BCL9L: variants seen among roughly 807,000 people sequenced by gnomAD.
BCL9L encodes BCL9 like, also known as B-cell CLL/lymphoma 9-like protein.
In BCL9L, 19 loss-of-function variants were observed where a neutral mutation model predicts 99.4. The observed-to-expected ratio is 0.19, with a 90% confidence interval of 0.13 to 0.28. The LOEUF is 0.28. Ranked by LOEUF, BCL9L falls within the 10% of genes least tolerant of loss-of-function variation. BCL9L has a pLI of 1.00. For synonymous variants in BCL9L, 900 were observed against 854.8 expected, an observed-to-expected ratio of 1.05 and a Z score of -0.92; for missense variants, 2,023 against 2,101.6, an observed-to-expected ratio of 0.96 and a Z score of 0.73.
intron 1 of BCL9L, among the ~76,000 whole-genome samples, chr11:118,923,651 A>G (rs924910610): frequency 5.9e-5 from 9 of 152,058 alleles, no homozygotes; most frequent in African/African-American, 2.2e-4. Flanking sequence ...TGGATCCAAG[A>G]TTTTAGGTAT....
rs777767215 is a variant in BCL9L, at chr11:118,899,031, G to T, written c.3884C>A (p.Pro1295Gln). The change falls in exon 10 of 10, where the codon CCG becomes CAG. Residue 1295 changes from proline to glutamine, a missense_variant. Coordinates refer to ENST00000683865, the MANE Select transcript of BCL9L (RefSeq NM_001378213.1). ...MAGRMGDAYP[P>Q]GVLPGVASVL... ...TGATGCCACCCCAGGGAGCACACCC[G>T]GTGGGTATGCGTCGCCCATGCGCCC... is the stretch of plus-strand genomic sequence containing the variant. The T allele has an allele frequency of 6.2e-7, 1 of 1,613,538 alleles. No homozygotes were observed. The highest frequency in any genetic ancestry group is 1.7e-4 in the Middle Eastern group (1 of 6,058).
Position 118,899,437 on chromosome 11 carries a change from G to A in BCL9L, c.3478C>T (p.Leu1160=). ...TGGGACAGGGGCTGCTGGCCTGGCAGGTTCATGCCCATAGGGCTCTGGGCA... is the reference window on the plus strand; with the variant it reads ...TGGGACAGGGGCTGCTGGCCTGGCAAGTTCATGCCCATAGGGCTCTGGGCA... ...AAAQSPMGMN[L]PGQQPLSHEP... The change falls in exon 10 of 10, where the codon CTG becomes TTG. Residue 1160 remains leucine (L), a synonymous_variant. Coordinates refer to ENST00000683865, the MANE Select transcript of BCL9L (RefSeq NM_001378213.1). The A allele has an allele frequency of 6.2e-7, 1 of 1,602,078 alleles. No individual in the cohort carries two copies. Among genetic ancestry groups the A allele is most frequent in the Non-Finnish European group, 8.5e-7 (1 of 1,176,420 alleles).
At chr11:118,919,176 G>A (rs1162111443) in intron 1 of BCL9L, among the ~76,000 whole-genome samples, 1 of 147,016 alleles carries the variant, frequency 6.8e-6, no homozygotes, top group East Asian at 2.0e-4. Flanking sequence ...CAGGAGAGGA[G>A]GAGGCACTGG....
rs747273194 is a variant in BCL9L at position 118,899,388 on chromosome 11, G to A, written c.3527C>T (p.Pro1176Leu). 6 of 1,585,994 alleles carry A rather than the reference G, an allele frequency of 3.8e-6. No homozygotes were observed. Among genetic ancestry groups the A allele is most frequent in the East Asian group, 4.5e-5 (2 of 44,052 alleles). ...LSHEPPPAML[P>L]SPTPLGSNIP... The stretch of plus-strand genomic sequence containing the variant: ...GTTGGAGCCCAGAGGGGTGGGGGAG[G>A]GCAGCATGGCGGGCGGGGGCTCATG... The change falls in exon 10 of 10, where the codon CCC (proline) becomes CTC (leucine). Residue 1176 changes from proline (P) to leucine (L), a missense_variant. This residue lies in a region of BCL9L where 902 missense variants were observed against 888.2 expected (regional missense o/e 1.02). Transcript: ENST00000683865.
At chr11:118,899,852 C>G (rs1940128723) in intron 9 of BCL9L, 65 bp downstream of exon 9, 2 of 1,537,198 alleles carry the variant, frequency 1.3e-6, no homozygotes, top group Non-Finnish European at 1.8e-6. Flanking sequence ...ACAACCACAG[C>G]TGTGCTCCCC....
chr11:118,921,569 A>G lies in BCL9L; in HGVS notation c.-130-2690T>C, dbSNP rs77398170. Among the ~76,000 whole-genome samples the G allele has an allele frequency of 0.045, 6,854 of 152,158 alleles. 183 individuals carry two copies. Among genetic ancestry groups the G allele is most frequent in the South Asian group, 0.11 (548 of 4,818 alleles). ...CCAGTCCATTGGAGGAGGAACGGGA[A>G]CGGACAGAGGGAGTCCCAGCTCTGG... On this transcript the variant is annotated intron_variant, in intron 1 of 9. Coordinates refer to ENST00000683865, the MANE Select transcript of BCL9L (RefSeq NM_001378213.1). The surrounding 1 kb of genome is among the most constrained non-coding windows in gnomAD (Gnocchi z 5.4).
intron 2 of BCL9L, among the ~76,000 whole-genome samples, chr11:118,918,577 C>T (rs908353550): frequency 1.8e-4 from 28 of 152,114 alleles, no homozygotes; most frequent in African/African-American, 6.0e-4. Context: ...CTAACCCCTC[C>T]CAGCCCGGCC....
At position 118,897,640 on chromosome 11, in the gene BCL9L, C is replaced by T. The variant is rs1302616891; in HGVS notation, c.*775G>A. On this transcript the variant is annotated 3_prime_UTR_variant, in exon 10 of 10. Coordinates refer to ENST00000683865, the MANE Select transcript of BCL9L (RefSeq NM_001378213.1). ...TTGGGGACGAGACAGGAATGGTATC[C>T]CTTAGGGACCCAGAGACACTGCAAA... 1 of 379,536 alleles carries T rather than the reference C, an allele frequency of 2.6e-6. No individual in the cohort carries two copies. The highest frequency in any genetic ancestry group is 5.2e-6 in the Non-Finnish European group (1 of 193,658). The allele number at this position is 379,536 out of a possible 1,614,324, so 23.5% of individuals were successfully genotyped here.
rs925817291 is a variant in BCL9L, at chr11:118,900,350, A to C, written c.3125-152T>G. ...CAGGCCCCCACTATCTCCAGAGCCC[A>C]CCAGTCTTCAAGCAATTCCTGCAGC... On this transcript the variant is annotated intron_variant, in intron 8 of 9. Coordinates refer to ENST00000683865, the MANE Select transcript of BCL9L (RefSeq NM_001378213.1). This position sits in a 1 kb window ranked among gnomAD's most constrained non-coding sequence, Gnocchi z 5.3. The C allele has an allele frequency of 6.1e-6, 7 of 1,150,848 alleles. No homozygotes were observed. Among genetic ancestry groups the C allele is most frequent in the African/African-American group, 1.6e-5 (1 of 63,894 alleles). 71.3% of individuals were successfully genotyped at this position (1,150,848 alleles called of 1,614,324 possible). A position where few individuals can be genotyped will look rare whatever the true frequency, so the allele number is the denominator to read the frequency against.
chr11:118,916,758 G>A (rs1435975534), intron 2 of BCL9L, among the ~76,000 whole-genome samples: 2 of 152,216 alleles, frequency 1.3e-5, no homozygotes, highest in East Asian at 1.9e-4. Context: ...GCCCAGGCAC[G>A]GCACAGGGAA....
At chr11:118,905,481 C>G (rs556386732) in intron 5 of BCL9L, among the ~76,000 whole-genome samples, 19 of 147,912 alleles carry the variant, frequency 1.3e-4, no homozygotes, top group Non-Finnish European at 1.6e-4. Flanking sequence ...TGCACTCCAG[C>G]CTGGGCAACA....
Position 118,898,294 on chromosome 11 carries a change from G to GGCCCCCCCCCCCCCC in BCL9L, c.*120_*121insGGGGGGGGGGGGGGC. On this transcript the variant is annotated 3_prime_UTR_variant, in exon 10 of 10. Coordinates refer to ENST00000683865, the MANE Select transcript of BCL9L (RefSeq NM_001378213.1). The stretch of plus-strand genomic sequence containing the variant: ...TCCACAAATGCCACTCCCTACACAA[G>GGCCCCCCCCCCCCCC]CCCCCTCCCACCCCCTCCACCCCAC... 72 of 452,312 alleles carry GGCCCCCCCCCCCCCC rather than the reference G, an allele frequency of 1.6e-4. 5 individuals carry two copies. The highest frequency in any genetic ancestry group is 5.6e-4 in the East Asian group (13 of 23,130). 28.0% of individuals were successfully genotyped at this position (452,312 alleles called of 1,614,324 possible).
Position 118,899,977 on chromosome 11 carries a change from C to T in BCL9L, c.3346G>A (p.Glu1116Lys), listed in dbSNP as rs1265410454. The change falls in exon 9 of 10, where the codon GAG becomes AAG. Residue 1116 changes from glutamate (E) to lysine (K), a missense_variant. Around this residue, in one of 3 missense-constraint regions of BCL9L, gnomAD observed 902 missense variants for 888.2 expected, o/e 1.02. Transcript: ENST00000683865. ...AGCAGGGGCCGGTCGGGCAGCAGCT[C>T]GTCGTCTGAGGTGGCGATGGTCTTG... Reference protein sequence around the residue: ...AIKTIATSDDELLPDRPLLPP... With the variant: ...AIKTIATSDDKLLPDRPLLPP... 7 of 1,613,982 alleles carry T rather than the reference C, an allele frequency of 4.3e-6. No homozygotes were observed. Among genetic ancestry groups the T allele is most frequent in the Non-Finnish European group, 5.9e-6 (7 of 1,179,980 alleles).
In BCL9L at chr11:118,900,982, T is replaced by C. The variant is rs1940200883; in HGVS notation, c.2761A>G (p.Ile921Val). The C allele has an allele frequency of 1.3e-6, 2 of 1,555,360 alleles. No individual in the cohort carries two copies. The highest frequency in any genetic ancestry group is 1.4e-5 in the African/African-American group (1 of 73,412). ...GRRPSDLTIS[I>V]NQMGSPGMGH... is the part of the protein sequence containing the mutation. Reference sequence around the variant, plus strand: ...ATGCCCGGTGAGCCCATCTGATTAATACTGATGGTGAGGTCCGAAGGCCGC... The same window carrying C: ...ATGCCCGGTGAGCCCATCTGATTAACACTGATGGTGAGGTCCGAAGGCCGC... The change falls in exon 8 of 10, where the codon ATT becomes GTT. Residue 921 changes from isoleucine (I) to valine (V), a missense_variant. Physicochemically the swap from Ile to Val is conservative, Grantham distance 29 (BLOSUM62 3). Transcript: ENST00000683865. The surrounding 1 kb of genome is among the most constrained non-coding windows in gnomAD (Gnocchi z 5.3).
intron 1 of BCL9L, among the ~76,000 whole-genome samples, chr11:118,920,067 A>ACCT (rs995816844): frequency 2.0e-5 from 3 of 151,892 alleles, no homozygotes; most frequent in African/African-American, 7.3e-5. Flanking sequence ...CCTTATGTCC[A>ACCT]CCTCCTGCTG....
chr11:118,902,003 C>T lies in BCL9L; in HGVS notation c.1740G>A (p.Leu580=), dbSNP rs1186566979. The change falls in exon 8 of 10, where the codon CTG becomes CTA. Residue 580 remains leucine, a synonymous_variant. Transcript: ENST00000683865. The surrounding 1 kb of genome is among the most constrained non-coding windows in gnomAD (Gnocchi z 7.8). ...GATCTTGAACATCCATGGGCCCCCG[C>T]AGCTGCGCACCCATTCCAGGTGGCC... ...DQWPPGMGAQ[L]RGPMDVQDPM... The T allele has an allele frequency of 1.2e-6, 2 of 1,613,418 alleles. No individual in the cohort carries two copies. Among genetic ancestry groups the T allele is most frequent in the Non-Finnish European group, 1.7e-6 (2 of 1,179,892 alleles).
chr11:118,919,327 G>A (rs1486241432), intron 1 of BCL9L, among the ~76,000 whole-genome samples: 1 of 151,720 alleles, frequency 6.6e-6, no homozygotes, highest in Non-Finnish European at 1.5e-5. Context: ...GCCACCTCCA[G>A]GTTATCCTAT....
At chr11:118,909,690 C>G (rs1940698286) in intron 3 of BCL9L, among the ~76,000 whole-genome samples, 1 of 152,184 alleles carries the variant, frequency 6.6e-6, no homozygotes, top group African/African-American at 2.4e-5. Context: ...GGCTGCCAGT[C>G]CCCTCTGCCC....
rs1940165632 is a variant in BCL9L, at chr11:118,900,395, G to C, written c.3125-197C>G. On this transcript the variant is annotated intron_variant, in intron 8 of 9. Coordinates refer to ENST00000683865, the MANE Select transcript of BCL9L (RefSeq NM_001378213.1). The surrounding 1 kb of genome is among the most constrained non-coding windows in gnomAD (Gnocchi z 5.3). ...TGCAGCCTCAGGGCCCCAGGCAAGG[G>C]GAAGATCCCAGGCCCCAAGTACGAT... Among the ~76,000 whole-genome samples, 1 of 152,090 alleles carries C rather than the reference G, an allele frequency of 6.6e-6. No individual in the cohort carries two copies. The highest frequency in any genetic ancestry group is 1.5e-5 in the Non-Finnish European group (1 of 68,014).
Sources: allele counts gnomAD v4.1 joint callset (sites outside exome capture counted in the v4.1 genomes callset), GRCh38; gene constraint gnomAD v4.1.1; regional missense constraint gnomAD v4.1.1; non-coding constraint Gnocchi (gnomAD v3.1); transcripts MANE v1.5; gene names NCBI Gene and HGNC (gene_info 2026-07-23, HGNC 2026-07-21).